SPATA31H1: variants seen among roughly 807,000 people sequenced by gnomAD.
SPATA31H1 encodes SPATA31 subfamily H member 1, also known as spermatogenesis-associated protein 31H1.
chr2:27,551,635 G>A, the SPATA31H1 span, among the ~76,000 whole-genome samples: 9 of 151,980 alleles, frequency 5.9e-5, 1 homozygote, highest in African/African-American at 1.9e-4. Context: ...CTCAGGCAAG[G>A]ATTTTCCATT....
chr2:27,551,353 TTC>T, the SPATA31H1 span, among the ~76,000 whole-genome samples: 1 of 152,078 alleles, frequency 6.6e-6, no homozygotes, highest in African/African-American at 2.4e-5. Flanking sequence ...GAGAAGTAAT[TTC>T]TCTTTTTCAC....
At chr2:27,581,719 G>GAA in the SPATA31H1 span, 1 of 1,613,202 alleles carries the variant, frequency 6.2e-7, no homozygotes, top group Non-Finnish European at 8.5e-7. Context: ...CCCTCTAAGA[G>GAA]AAGCCATCGC....
chr2:27,552,732 C>G, the SPATA31H1 span, among the ~76,000 whole-genome samples: 2 of 151,976 alleles, frequency 1.3e-5, 1 homozygote, highest in African/African-American at 4.8e-5. Context: ...GGATGTCTTT[C>G]CATTTATTTA....
At chr2:27,549,072 C>CAAAAAAA in the SPATA31H1 span, among the ~76,000 whole-genome samples, 7 of 53,282 alleles carry the variant, frequency 1.3e-4, no homozygotes, top group African/African-American at 3.6e-4. Flanking sequence ...GACTCCGTCT[C>CAAAAAAA]AAAAAAAAAA....
At chr2:27,541,100 T>C in the SPATA31H1 span, among the ~76,000 whole-genome samples, 4 of 142,838 alleles carry the variant, frequency 2.8e-5, no homozygotes, top group Admixed American at 1.4e-4. Context: ...CTGGGCACCA[T>C]TGAGCACTGA....
At chr2:27,547,652 CTA>C in the SPATA31H1 span, among the ~76,000 whole-genome samples, 1 of 152,012 alleles carries the variant, frequency 6.6e-6, no homozygotes, top group Non-Finnish European at 1.5e-5. Flanking sequence ...GCCTTCTGAT[CTA>C]TGAGTGTGTT....
the SPATA31H1 span, among the ~76,000 whole-genome samples, chr2:27,542,222 C>T: frequency 1.3e-5 from 2 of 151,812 alleles, no homozygotes; most frequent in Admixed American, 1.3e-4. Flanking sequence ...CATGCTGAAA[C>T]CCCATCTCTA....
At chr2:27,581,199 A>G in the SPATA31H1 span, 1 of 1,614,218 alleles carries the variant, frequency 6.2e-7, no homozygotes, top group African/African-American at 1.3e-5. Context: ...TAACCACCCC[A>G]GCTTCTATAG....
the SPATA31H1 span, among the ~76,000 whole-genome samples, chr2:27,556,287 T>C: frequency 6.2e-5 from 5 of 80,168 alleles, no homozygotes; most frequent in Admixed American, 1.1e-3. Flanking sequence ...GAAAGCCCTT[T>C]TTTTTTTTTT....
chr2:27,577,019 G>C, the SPATA31H1 span: 1 of 1,614,062 alleles, frequency 6.2e-7, no homozygotes, highest in Non-Finnish European at 8.5e-7. This position sits in a 1 kb window ranked among gnomAD's most constrained non-coding sequence, Gnocchi z 4.5. Context: ...CTGCAAATTT[G>C]ATTTCAATAC....
chr2:27,574,336 A>AG, the SPATA31H1 span: 5 of 398,438 alleles, frequency 1.3e-5, no homozygotes, highest in African/African-American at 1.0e-4. Flanking sequence ...GGAAAGCTTC[A>AG]GGGTGTGAAA....
the SPATA31H1 span, among the ~76,000 whole-genome samples, chr2:27,549,655 C>G: frequency 6.6e-6 from 1 of 151,602 alleles, no homozygotes; most frequent in Non-Finnish European, 1.5e-5. Context: ...ACTAAAAATA[C>G]AAAAAATTAG....
the SPATA31H1 span, chr2:27,580,781 C>T: frequency 2.5e-6 from 4 of 1,614,196 alleles, no homozygotes; most frequent in Non-Finnish European, 3.4e-6. Context: ...GCTTACCAAG[C>T]AGTATCAAAA....
chr2:27,560,512 C>T, the SPATA31H1 span, among the ~76,000 whole-genome samples: 1 of 150,132 alleles, frequency 6.7e-6, no homozygotes, highest in Admixed American at 6.7e-5. Flanking sequence ...GGCTGGAGTG[C>T]AGTGGCAAGA....
At chr2:27,575,712 A>G in the SPATA31H1 span, 7 of 398,484 alleles carry the variant, frequency 1.8e-5, no homozygotes, top group South Asian at 7.6e-4. This position sits in a 1 kb window ranked among gnomAD's most constrained non-coding sequence, Gnocchi z 4.1. Context: ...GCAAGGTGTA[A>G]ATTCTGCATC....
the SPATA31H1 span, chr2:27,576,781 AG>A: frequency 6.2e-7 from 1 of 1,614,022 alleles, no homozygotes; most frequent in Non-Finnish European, 8.5e-7. Flanking sequence ...GTAGAGCCAA[AG>A]TTGCAAAGCG....
chr2:27,574,036 A>C, the SPATA31H1 span: 1 of 398,490 alleles, frequency 2.5e-6, no homozygotes, highest in Non-Finnish European at 4.4e-6. Context: ...CCCAGTTCAC[A>C]ATTGAAAGAT....
chr2:27,578,140 T>A, the SPATA31H1 span: 2 of 1,613,978 alleles, frequency 1.2e-6, no homozygotes, highest in African/African-American at 2.7e-5. Flanking sequence ...CCATTTCAAA[T>A]TGTAAAGTCT....
At chr2:27,579,098 A>C in the SPATA31H1 span, 1 of 1,614,112 alleles carries the variant, frequency 6.2e-7, no homozygotes, top group African/African-American at 1.3e-5. Context: ...AGAGACATCT[A>C]CCACAAAGCT....
Sources: gnomAD v4.1 joint callset for allele counts (sites outside exome capture counted in the v4.1 genomes callset) on GRCh38, gnomAD v4.1.1 for gene constraint, Gnocchi (gnomAD v3.1) non-coding constraint, MANE v1.5 for transcripts, NCBI Gene and HGNC (gene_info 2026-07-23, HGNC 2026-07-21) for gene names.